PPP6R2: variants seen among roughly 807,000 people sequenced by gnomAD.
PPP6R2 encodes the protein serine/threonine-protein phosphatase 6 regulatory subunit 2.
In PPP6R2, 62 loss-of-function variants were observed where a neutral mutation model predicts 100.2. The observed-to-expected ratio is 0.62, with a 90% confidence interval of 0.50 to 0.76. The LOEUF (loss-of-function observed/expected upper bound fraction) is 0.76, where lower values mean the gene tolerates loss of function less well. Ranked by LOEUF, PPP6R2 falls within the 30% of genes least tolerant of loss-of-function variation. The pLI is 0.00. For synonymous variants in PPP6R2, 525 were observed against 514.7 expected, an observed-to-expected ratio of 1.02 and a Z score of -0.27; for missense variants, 1,142 against 1,276.3, an observed-to-expected ratio of 0.89 and a Z score of 1.60.
At chr22:50,364,726 G>A (rs999370939) in intron 1 of PPP6R2, among the ~76,000 whole-genome samples, 3 of 152,154 alleles carry the variant, frequency 2.0e-5, no homozygotes, top group East Asian at 3.8e-4. Context: ...CAGAGGGTCT[G>A]TGTGTGCAAA....
chr22:50,430,886 A>AAAAG (rs1482844999), intron 10 of PPP6R2, among the ~76,000 whole-genome samples: 1 of 151,952 alleles, frequency 6.6e-6, no homozygotes, highest in East Asian at 1.9e-4. Flanking sequence ...AAAAAAAAAA[A>AAAAG]AAAAAGAATA....
chr22:50,356,916 A>G (rs1280060691), intron 1 of PPP6R2, among the ~76,000 whole-genome samples: 1 of 150,740 alleles, frequency 6.6e-6, no homozygotes, highest in African/African-American at 2.5e-5. Context: ...CTTGGGCGAC[A>G]GAGGGAGACT....
At chr22:50,401,668 A>G (rs2058065480) in intron 3 of PPP6R2, among the ~76,000 whole-genome samples, 1 of 146,402 alleles carries the variant, frequency 6.8e-6, no homozygotes, top group Non-Finnish European at 1.5e-5. Context: ...TTTGAGACGG[A>G]GTCTCACTCT....
At chr22:50,379,466 A>C (rs2052405717) in intron 2 of PPP6R2, among the ~76,000 whole-genome samples, 1 of 152,206 alleles carries the variant, frequency 6.6e-6, no homozygotes, top group Admixed American at 6.6e-5. Context: ...ACTGCACTCT[A>C]GCCTGGGTGA....
At chr22:50,361,708 G>A (rs948637188) in intron 1 of PPP6R2, among the ~76,000 whole-genome samples, 4 of 152,132 alleles carry the variant, frequency 2.6e-5, no homozygotes, top group Non-Finnish European at 2.9e-5. Context: ...TGCCCTGCTC[G>A]TCTGCCTTTG....
chr22:50,358,116 T>TA (rs576064648), intron 1 of PPP6R2, among the ~76,000 whole-genome samples: 55 of 145,930 alleles, frequency 3.8e-4, no homozygotes, highest in African/African-American at 6.3e-4. Flanking sequence ...CTGGATAATT[T>TA]AAAAAAAAAA....
intron 6 of PPP6R2, among the ~76,000 whole-genome samples, chr22:50,417,664 C>T (rs1404263130): frequency 6.6e-6 from 1 of 152,152 alleles, no homozygotes; most frequent in Non-Finnish European, 1.5e-5. Flanking sequence ...CAGGAGAGGC[C>T]ACGTTGGCGT....
rs202067340 is a variant in PPP6R2 at position 50,444,242 on chromosome 22, G to A, written c.2875G>A (p.Val959Met). 1 of 1,612,832 alleles carries A rather than the reference G, an allele frequency of 6.2e-7. No individual in the cohort carries two copies. The highest frequency in any genetic ancestry group is 8.5e-7 in the Non-Finnish European group (1 of 1,179,858). ...AGAAGGAGCTGCCTTAAATGGCCCA[G>A]TGTGATGCTGCTGCCGCCCGGCCAC... ...PPEGAALNGPV is the reference protein window; with the variant it reads ...PPEGAALNGPM The change falls in exon 24 of 24, where the codon GTG becomes ATG. Residue 959 changes from valine to methionine, a missense_variant. This residue lies in a region of PPP6R2 where 550 missense variants were observed against 517.4 expected (regional missense o/e 1.06). Transcript: ENST00000612753.
intron 2 of PPP6R2, chr22:50,393,297 G>C (rs770566572): frequency 3.0e-5 from 21 of 710,420 alleles, no homozygotes; most frequent in Non-Finnish European, 3.5e-5. Flanking sequence ...GAGTGGATGG[G>C]CCGGGTGGCT....
upstream of PPP6R2, among the ~76,000 whole-genome samples, chr22:50,339,227 G>T (rs904843825): frequency 1.5e-4 from 21 of 140,166 alleles, no homozygotes; most frequent in African/African-American, 5.2e-4. Flanking sequence ...AGGGTGTGTG[G>T]TGTGTTTACG....
chr22:50,360,685 CCT>C (rs2047615056), intron 1 of PPP6R2, among the ~76,000 whole-genome samples: 1 of 152,102 alleles, frequency 6.6e-6, no homozygotes, highest in Non-Finnish European at 1.5e-5. Context: ...TATTTTTATC[CCT>C]GTTTACCGAG....
At chr22:50,444,147 T>C (rs2066524747) in intron 23 of PPP6R2, 30 bp downstream of exon 23, 6 of 1,611,042 alleles carry the variant, frequency 3.7e-6, no homozygotes, top group Non-Finnish European at 5.1e-6. Flanking sequence ...GGGTAGGGGG[T>C]GTGGACAGGG....
chr22:50,340,141 G>C (rs1426076193), upstream of PPP6R2, among the ~76,000 whole-genome samples: 1 of 89,378 alleles, frequency 1.1e-5, no homozygotes, highest in Non-Finnish European at 2.6e-5. Context: ...TGTGTACAGT[G>C]TGTGGTGTGT....
intron 1 of PPP6R2, among the ~76,000 whole-genome samples, chr22:50,369,564 C>A (rs1262984042): frequency 6.6e-6 from 1 of 152,090 alleles, no homozygotes; most frequent in African/African-American, 2.4e-5. Flanking sequence ...GAGTCTCACT[C>A]TGTTGCCCAG....
At chr22:50,420,817 T>G (rs1430716744) in intron 8 of PPP6R2, among the ~76,000 whole-genome samples, 1 of 152,250 alleles carries the variant, frequency 6.6e-6, no homozygotes, top group African/African-American at 2.4e-5. Context: ...CCCTGGCCCT[T>G]GAACCCCATC....
chr22:50,422,340 G>A lies in PPP6R2; in HGVS notation c.932G>A (p.Arg311Gln), dbSNP rs1432143225. The A allele has an allele frequency of 6.8e-6, 11 of 1,613,994 alleles. No homozygotes were observed. Among genetic ancestry groups the A allele is most frequent in the Non-Finnish European group, 9.3e-6 (11 of 1,180,020 alleles). Residue 311 changes from arginine (R) to glutamine (Q), a missense_variant, in exon 9 of 24, where the codon CGG (arginine) becomes CAG (glutamine). Physicochemically the swap from Arg to Gln is conservative, Grantham distance 43. Around this residue, in one of 2 missense-constraint regions of PPP6R2, gnomAD observed 592 missense variants for 758.9 expected, o/e 0.78. Coordinates refer to ENST00000612753, the MANE Select transcript of PPP6R2 (RefSeq NM_001242898.2). ...SSSVLHGIEPRLKDFHQLLLN... is the reference protein window; with the variant it reads ...SSSVLHGIEPQLKDFHQLLLN... The stretch of plus-strand genomic sequence containing the variant: ...AGCGTACTACACGGCATCGAGCCTC[G>A]GCTGAAGGACTTCCACCAGCTCCTG...
Position 50,435,080 on chromosome 22 carries a change from A to T in PPP6R2, c.1515A>T (p.Arg505=), listed in dbSNP as rs779933294. The T allele has an allele frequency of 6.5e-7, 1 of 1,539,116 alleles. No individual in the cohort carries two copies. Among genetic ancestry groups the T allele is most frequent in the Non-Finnish European group, 8.8e-7 (1 of 1,140,470 alleles). Residue 505 remains arginine (R), a splice_region_variant and synonymous_variant, in exon 13 of 24, where the codon CGA becomes CGT. Coordinates refer to ENST00000612753, the MANE Select transcript of PPP6R2 (RefSeq NM_001242898.2). ...PVQTHISEVI[R]GLPADCRGRW... is the part of the protein sequence containing the mutation. ...AGACGCACATCAGCGAGGTCATCCG[A>T]GGTGAGCCCCCAACCCGGTCATCCT...
chr22:50,364,569 TATA>T (rs1437276791), intron 1 of PPP6R2, among the ~76,000 whole-genome samples: 2 of 152,194 alleles, frequency 1.3e-5, no homozygotes, highest in African/African-American at 4.8e-5. Context: ...AAAACTGAGT[TATA>T]ATTCTCTGAA....
At chr22:50,358,018 C>T (rs1286857873) in intron 1 of PPP6R2, among the ~76,000 whole-genome samples, 3 of 152,006 alleles carry the variant, frequency 2.0e-5, no homozygotes, top group Non-Finnish European at 4.4e-5. Context: ...GTGGCGTGAT[C>T]GTGGCTCACT....
Sources: allele counts gnomAD v4.1 joint callset (sites outside exome capture counted in the v4.1 genomes callset), GRCh38; gene constraint gnomAD v4.1.1; regional missense constraint gnomAD v4.1.1; transcripts MANE v1.5; gene names NCBI Gene and HGNC (gene_info 2026-07-23, HGNC 2026-07-21).